Variants in MKRN1 observed in about 807,000 individuals in gnomAD.
MKRN1 encodes E3 ubiquitin-protein ligase makorin-1.
A neutral mutation model predicts 55.5 loss-of-function variants in MKRN1; 9 were observed. The ratio of observed to expected loss-of-function variants is 0.16; its 90% CI spans 0.10 to 0.28. MKRN1 has a LOEUF of 0.28. MKRN1 is among the 10% of genes least tolerant of loss of function. The probability of loss-of-function intolerance (pLI) is 1.00; values close to 1 mark genes in which losing one functional copy is unlikely to be tolerated. For missense variants in MKRN1, 488 were observed against 626.7 expected, an observed-to-expected ratio of 0.78 and a Z score of 2.36; for synonymous variants, 253 against 235.9, an observed-to-expected ratio of 1.07 and a Z score of -0.66.
chr7:140,479,506 G>C (rs1044764238), upstream of MKRN1: 1 of 723,576 alleles, frequency 1.4e-6, no homozygotes, highest in East Asian at 3.4e-5. Flanking sequence ...GAGCGCTCTC[G>C]CCACTTCAAC....
chr7:140,465,226 G>A (rs1027724859), intron 2 of MKRN1, among the ~76,000 whole-genome samples: 2 of 152,044 alleles, frequency 1.3e-5, no homozygotes, highest in African/African-American at 4.8e-5. Flanking sequence ...GGCCAGGCAC[G>A]GTAGTTCACA....
intron 1 of MKRN1, chr7:140,473,227 A>T (rs183457410): frequency 3.3e-5 from 14 of 430,008 alleles, no homozygotes; most frequent in Non-Finnish European, 6.4e-5. Flanking sequence ...AAAAAAAAAA[A>T]CATCATCCAG....
At chr7:140,474,741 C>G (rs932523688) in intron 1 of MKRN1, among the ~76,000 whole-genome samples, 57 of 144,030 alleles carry the variant, frequency 4.0e-4, no homozygotes, top group Non-Finnish European at 7.1e-4. Flanking sequence ...TTTTTTGAGA[C>G]GAAATCTCAC....
chr7:140,470,383 G>A (rs1031492244), intron 2 of MKRN1, among the ~76,000 whole-genome samples: 3 of 151,888 alleles, frequency 2.0e-5, no homozygotes, highest in African/African-American at 2.4e-5. Flanking sequence ...TCAGGAGTTC[G>A]AGACCAGCCT....
chr7:140,462,498 C>A (rs1794652011), intron 2 of MKRN1, among the ~76,000 whole-genome samples: 1 of 152,144 alleles, frequency 6.6e-6, no homozygotes, highest in African/African-American at 2.4e-5. Flanking sequence ...TAACTAAAGG[C>A]TCTACTCCAG....
chr7:140,464,307 G>C (rs1794709925), intron 2 of MKRN1, among the ~76,000 whole-genome samples: 1 of 152,140 alleles, frequency 6.6e-6, no homozygotes. Flanking sequence ...GGGAGGCTGA[G>C]GTGGGAGGAT....
intron 2 of MKRN1, among the ~76,000 whole-genome samples, chr7:140,464,011 G>A (rs1359714994): frequency 1.3e-5 from 2 of 151,988 alleles, no homozygotes; most frequent in Non-Finnish European, 2.9e-5. Flanking sequence ...TCAGCTCACC[G>A]GCTTCAAGTG....
intron 2 of MKRN1, among the ~76,000 whole-genome samples, chr7:140,463,493 A>G (rs1246093077): frequency 6.6e-6 from 1 of 152,222 alleles, no homozygotes; most frequent in African/African-American, 2.4e-5. Context: ...TGGAGCTAGA[A>G]GCTACCGTTA....
At chr7:140,460,744 G>T (rs1794595351) in intron 2 of MKRN1, among the ~76,000 whole-genome samples, 1 of 152,192 alleles carries the variant, frequency 6.6e-6, no homozygotes, top group African/African-American at 2.4e-5. Flanking sequence ...ATACTTTTGA[G>T]TAGGAAGGCA....
At chr7:140,455,296 T>C (rs1041299801) in intron 6 of MKRN1, 63 bp from the exon 7 acceptor site, 3 of 1,596,644 alleles carry the variant, frequency 1.9e-6, no homozygotes, top group African/African-American at 2.7e-5. Context: ...TTGACTATCA[T>C]CCGGGGTTTC....
chr7:140,471,504 C>G (rs1794924616), intron 2 of MKRN1, among the ~76,000 whole-genome samples: 1 of 152,118 alleles, frequency 6.6e-6, no homozygotes, highest in African/African-American at 2.4e-5. Flanking sequence ...GAGTCTCGCT[C>G]TGTTGCCCAG....
chr7:140,459,353 C>A, intron 3 of MKRN1, 120 bp from the exon 4 acceptor site: 2 of 950,448 alleles, frequency 2.1e-6, no homozygotes, highest in Non-Finnish European at 3.1e-6. Flanking sequence ...AAACAGTCTA[C>A]TGAACTAACT....
At chr7:140,470,651 C>T (rs569920789) in intron 2 of MKRN1, among the ~76,000 whole-genome samples, 1 of 151,906 alleles carries the variant, frequency 6.6e-6, no homozygotes, top group African/African-American at 2.4e-5. Context: ...CACTGTGTCT[C>T]ACACCTGTAA....
At position 140,479,409 on chromosome 7, in the gene MKRN1, C is replaced by T. The variant is rs1031821657; in HGVS notation, c.-65G>A. On this transcript the variant is annotated 5_prime_UTR_variant, in exon 1 of 8. Coordinates refer to ENST00000255977, the MANE Select transcript of MKRN1 (RefSeq NM_013446.4). ...GGATCACATAGTTCCGGTCCGGCTGCGGGGAGAGGACGGCGAGGCCAGGCG... is the reference window on the plus strand; with the variant it reads ...GGATCACATAGTTCCGGTCCGGCTGTGGGGAGAGGACGGCGAGGCCAGGCG... 2.4e-6 allele frequency: 3 copies of T among 1,254,808 alleles called. No individual in the cohort carries two copies. Among genetic ancestry groups the T allele is most frequent in the African/African-American group, 3.1e-5 (2 of 64,402 alleles). The allele number at this position is 1,254,808 out of a possible 1,614,324, so 77.7% of individuals were successfully genotyped here.
intron 1 of MKRN1, chr7:140,474,429 C>T (rs1015695876): frequency 1.9e-5 from 7 of 368,062 alleles, no homozygotes; most frequent in Admixed American, 1.4e-4. Flanking sequence ...CTTGAACTCG[C>T]AGTGGGTTGG....
chr7:140,463,741 C>T (rs767719339), intron 2 of MKRN1, among the ~76,000 whole-genome samples: 100 of 152,044 alleles, frequency 6.6e-4, no homozygotes, highest in Non-Finnish European at 1.3e-3. Context: ...AAAAATTAGC[C>T]GGGCGTGGTG....
In MKRN1 at chr7:140,453,520, G is replaced by A. The variant is rs575873701; in HGVS notation, c.*997C>T. 69 of 152,690 alleles carry A rather than the reference G, an allele frequency of 4.5e-4. No homozygotes were observed. Among genetic ancestry groups the A allele is most frequent in the African/African-American group, 1.6e-3 (66 of 41,536 alleles). 9.5% of individuals were successfully genotyped at this position (152,690 alleles called of 1,614,324 possible). A position where few individuals can be genotyped will look rare whatever the true frequency, so the allele number is the denominator to read the frequency against. The stretch of plus-strand genomic sequence containing the variant: ...GGTTTCTCAGAAAGTGCCTGTACTG[G>A]AAAGGCTAGATCGTAAAACATTAAA... On this transcript the variant is annotated 3_prime_UTR_variant, in exon 8 of 8. Coordinates refer to ENST00000255977, the MANE Select transcript of MKRN1 (RefSeq NM_013446.4).
At position 140,471,944 on chromosome 7, in the gene MKRN1, G is replaced by T; in HGVS notation, c.253C>A (p.Pro85Thr). 6.2e-7 allele frequency: 1 copy of T among 1,614,068 alleles called. No homozygotes were observed. Among genetic ancestry groups the T allele is most frequent in the Non-Finnish European group, 8.5e-7 (1 of 1,180,020 alleles). Reference sequence around the variant, plus strand: ...AAATACTTGCACACTACACTATACGGACTGTCAGAGAGGTCATGCGAGTAG... The same window carrying T: ...AAATACTTGCACACTACACTATACGTACTGTCAGAGAGGTCATGCGAGTAG... ...CRYSHDLSDSPYSVVCKYFQR... is the reference protein window; with the variant it reads ...CRYSHDLSDSTYSVVCKYFQR... Residue 85 changes from proline to threonine, a missense_variant, in exon 2 of 8, where the codon CCG (proline) becomes ACG (threonine). By Grantham distance (38) the Pro-to-Thr change is conservative. Coordinates refer to ENST00000255977, the MANE Select transcript of MKRN1 (RefSeq NM_013446.4).
At chr7:140,456,566 C>G (rs1020510880) in intron 5 of MKRN1, 86 bp downstream of exon 5, 2 of 1,536,144 alleles carry the variant, frequency 1.3e-6, no homozygotes, top group Admixed American at 4.0e-5. Flanking sequence ...CATTTAAATG[C>G]GGTCCATCTG....
Sources: allele counts gnomAD v4.1 joint callset (sites outside exome capture counted in the v4.1 genomes callset), GRCh38; gene constraint gnomAD v4.1.1; transcripts MANE v1.5; gene names NCBI Gene and HGNC (gene_info 2026-07-23, HGNC 2026-07-21).